Variants in LAMC2 observed in about 807,000 individuals in gnomAD.
LAMC2 encodes laminin subunit gamma 2.
LAMC2 carries 97 observed loss-of-function variants against 140.2 expected under a neutral mutation model. That is an observed-to-expected ratio of 0.69 (90% CI 0.59 to 0.82). The LOEUF (loss-of-function observed/expected upper bound fraction) is 0.82, where lower values mean the gene tolerates loss of function less well. LAMC2 is among the 40% of genes least tolerant of loss of function. The pLI is 0.00. For missense variants in LAMC2, 1,402 were observed against 1,476.1 expected, an observed-to-expected ratio of 0.95 and a Z score of 0.82; for synonymous variants, 513 against 540.2, an observed-to-expected ratio of 0.95 and a Z score of 0.70.
rs560369705 is a variant in LAMC2 at position 183,239,247 on chromosome 1, C to T, written c.2870-117C>T. The T allele has an allele frequency of 3.3e-6, 3 of 920,246 alleles. No individual in the cohort carries two copies. The African/African-American group carries it at 4.9e-5, about 15-fold the overall frequency. 57.0% of individuals were successfully genotyped at this position (920,246 alleles called of 1,614,324 possible). A position where few individuals can be genotyped will look rare whatever the true frequency, so the allele number is the denominator to read the frequency against. On this transcript the variant is annotated intron_variant, in intron 19 of 22. Coordinates refer to ENST00000264144, the MANE Select transcript of LAMC2 (RefSeq NM_005562.3). ...TTCCAGCCGTAACTTCCCACACCGT[C>T]ATCCCCAGTCAGTAATAACACTCTT...
At chr1:183,211,097 C>T (rs1170869078) in intron 2 of LAMC2, among the ~76,000 whole-genome samples, 2 of 152,098 alleles carry the variant, frequency 1.3e-5, no homozygotes, top group African/African-American at 4.8e-5. Flanking sequence ...ATTAATAAAC[C>T]CCAGAGTAGT....
rs771520608 is a variant in LAMC2, at chr1:183,239,527, C to T, written c.3033C>T (p.Ala1011=). The change falls in exon 20 of 23, where the codon GCC becomes GCT. Residue 1011 remains alanine, a synonymous_variant. Transcript: ENST00000264144. ...ATGCACAGAGGGCAAAGAATGGGGC[C>T]GGGGAGGCCCTGGAAATCTCCAGTG... ...AADAQRAKNG[A]GEALEISSEI... is the part of the protein sequence containing the mutation. 52 of 1,613,608 alleles carry T rather than the reference C, an allele frequency of 3.2e-5. No homozygotes were observed. The highest frequency in any genetic ancestry group is 4.1e-5 in the Non-Finnish European group (48 of 1,179,914).
intron 22 of LAMC2, among the ~76,000 whole-genome samples, chr1:183,242,580 A>G (rs755247550): frequency 7.2e-5 from 11 of 152,210 alleles, no homozygotes; most frequent in Non-Finnish European, 1.3e-4. Context: ...ATCTAGTCAG[A>G]TGACTGCTGT....
chr1:183,252,674 G>A, the LAMC2 span: 1 of 1,614,132 alleles, frequency 6.2e-7, no homozygotes, highest in East Asian at 2.2e-5. Context: ...GCTGGCTTTT[G>A]AGGATGTAGT....
intron 20 of LAMC2, 167 bp downstream of exon 20, chr1:183,239,730 GAA>G: frequency 1.5e-6 from 1 of 668,024 alleles, no homozygotes. Context: ...GCATGACAGA[GAA>G]TGATGTGTTT....
chr1:183,217,078 A>G (rs1659291549), intron 3 of LAMC2, among the ~76,000 whole-genome samples: 1 of 152,182 alleles, frequency 6.6e-6, no homozygotes, highest in Non-Finnish European at 1.5e-5. Flanking sequence ...TCCAGCCATA[A>G]GCATTGCTAG....
chr1:183,217,216 T>C (rs773121496), intron 3 of LAMC2, among the ~76,000 whole-genome samples: 9 of 152,062 alleles, frequency 5.9e-5, no homozygotes, highest in Non-Finnish European at 1.2e-4. Flanking sequence ...GAAGAGACAA[T>C]AAACTTGGTT....
intron 2 of LAMC2, among the ~76,000 whole-genome samples, chr1:183,214,631 G>T (rs975885355): frequency 6.6e-6 from 1 of 152,076 alleles, no homozygotes; most frequent in Non-Finnish European, 1.5e-5. Context: ...CCTAACTATC[G>T]AATTACATTT....
In LAMC2 at chr1:183,243,686, G is replaced by A; in HGVS notation, c.*286G>A. ...CTGGATGGAAAGACAAACTGCACAG[G>A]CAGATGTTTGCCTCATAATAGTCGT... On this transcript the variant is annotated 3_prime_UTR_variant, in exon 23 of 23. Transcript: ENST00000264144. The A allele has an allele frequency of 2.1e-6, 1 of 476,072 alleles. No individual in the cohort carries two copies. Among genetic ancestry groups the A allele is most frequent in the African/African-American group, 1.9e-5 (1 of 51,362 alleles). 29.5% of individuals were successfully genotyped at this position (476,072 alleles called of 1,614,324 possible).
chr1:183,235,714 C>A lies in LAMC2; in HGVS notation c.2440C>A (p.Gln814Lys). The stretch of plus-strand genomic sequence containing the variant: ...CGGTAGCCCGGACGGTGCTGTGGTG[C>A]AAGGGCTTGTGGAAAAGTACGTTCC... ...GSGSPDGAVV[Q>K]GLVEKLEKTK... Residue 814 changes from glutamine (Q) to lysine (K), a missense_variant, in exon 16 of 23, where the codon CAA becomes AAA. By Grantham distance (53) the Gln-to-Lys change is moderately conservative. This residue lies in a region of LAMC2 where 670 missense variants were observed against 667.2 expected (regional missense o/e 1.00). Coordinates refer to ENST00000264144, the MANE Select transcript of LAMC2 (RefSeq NM_005562.3). 1 of 1,614,154 alleles carries A rather than the reference C, an allele frequency of 6.2e-7. No homozygotes were observed.
intron 2 of LAMC2, among the ~76,000 whole-genome samples, chr1:183,209,976 A>G (rs1418426344): frequency 3.9e-5 from 6 of 152,202 alleles, no homozygotes; most frequent in African/African-American, 1.2e-4. Context: ...GTATTGATTT[A>G]TGTCTTATAT....
chr1:183,192,373 C>T (rs1658366244), intron 1 of LAMC2, among the ~76,000 whole-genome samples: 1 of 152,228 alleles, frequency 6.6e-6, no homozygotes, highest in Non-Finnish European at 1.5e-5. Context: ...CATCCAAATG[C>T]TCAGCTGCAC....
chr1:183,201,577 G>A (rs761045134), intron 1 of LAMC2, among the ~76,000 whole-genome samples: 8 of 152,136 alleles, frequency 5.3e-5, no homozygotes, highest in Non-Finnish European at 1.0e-4. Context: ...TATGATACAT[G>A]CTTGACACAG....
the LAMC2 span, chr1:183,252,692 C>T: frequency 1.9e-6 from 3 of 1,614,076 alleles, no homozygotes; most frequent in Non-Finnish European, 2.5e-6. Context: ...AGTCGATGAC[C>T]GGCTGGGACA....
rs144652590 is a variant in LAMC2, at chr1:183,243,234, G to A, written c.3416G>A (p.Arg1139Gln). The change falls in exon 23 of 23, where the codon CGG becomes CAG. Residue 1139 changes from arginine (R) to glutamine (Q), a missense_variant. Physicochemically the swap from Arg to Gln is conservative, Grantham distance 43 (BLOSUM62 1). Around this residue, in one of 3 missense-constraint regions of LAMC2, gnomAD observed 670 missense variants for 667.2 expected, o/e 1.00. Transcript: ENST00000264144. ...AAGACCCAGATCAACAGCCAACTGC[G>A]GCCCATGATGTCAGAGCTGGAAGAG... ...RAKTQINSQL[R>Q]PMMSELEERA... The A allele has an allele frequency of 1.3e-4, 202 of 1,613,998 alleles. No individual in the cohort carries two copies. Among genetic ancestry groups the A allele is most frequent in the East Asian group, 3.8e-4 (17 of 44,886 alleles).
chr1:183,253,329 T>A, the LAMC2 span, among the ~76,000 whole-genome samples: 1 of 148,256 alleles, frequency 6.7e-6, no homozygotes, highest in Non-Finnish European at 1.5e-5. Context: ...TATATAAGTG[T>A]TAATATTATA....
chr1:183,230,385 A>G (rs1175025475), intron 11 of LAMC2, among the ~76,000 whole-genome samples: 1 of 152,260 alleles, frequency 6.6e-6, no homozygotes, highest in East Asian at 1.9e-4. Flanking sequence ...TGTAATCATC[A>G]GAGAAGTGTC....
At chr1:183,193,385 T>C (rs1658405459) in intron 1 of LAMC2, among the ~76,000 whole-genome samples, 2 of 152,224 alleles carry the variant, frequency 1.3e-5, no homozygotes, top group African/African-American at 4.8e-5. Flanking sequence ...ACATTTTGCA[T>C]CTGTATATAC....
At chr1:183,210,873 C>T (rs576909905) in intron 2 of LAMC2, among the ~76,000 whole-genome samples, 5 of 152,292 alleles carry the variant, frequency 3.3e-5, no homozygotes, top group African/African-American at 9.6e-5. Flanking sequence ...ATGTGCTGTC[C>T]CCAGCTGCTC....
Sources: allele counts gnomAD v4.1 joint callset (sites outside exome capture counted in the v4.1 genomes callset), GRCh38; gene constraint gnomAD v4.1.1; regional missense constraint gnomAD v4.1.1; transcripts MANE v1.5; gene names NCBI Gene and HGNC (gene_info 2026-07-23, HGNC 2026-07-21).